NDST3: variants seen among roughly 807,000 people sequenced by gnomAD.
The protein encoded by NDST3 is N-deacetylase and N-sulfotransferase 3, also known as bifunctional heparan sulfate N-deacetylase/N-sulfotransferase 3.
NDST3 carries 58 observed loss-of-function variants against 96.1 expected under a neutral mutation model. The ratio of observed to expected loss-of-function variants is 0.60; its 90% CI spans 0.49 to 0.75. The LOEUF is 0.75. Among genes scored for constraint, NDST3 ranks in the 30% least tolerant of loss-of-function variants. NDST3 has a pLI of 0.00. For missense variants in NDST3, 788 were observed against 1,034.2 expected (o/e 0.76, Z 3.27); for synonymous variants, 333 against 359.7 (o/e 0.93, Z 0.84).
rs28682376 is a variant in NDST3, at chr4:118,174,736, C to A, written c.1539+31052C>A. 6.9e-3 allele frequency among the ~76,000 whole-genome samples: 1,047 copies of A among 152,190 alleles called. 13 individuals carry two copies. Among genetic ancestry groups the A allele is most frequent in the African/African-American group, 0.024 (983 of 41,544 alleles). On this transcript the variant is annotated intron_variant, in intron 6 of 13. Transcript: ENST00000296499. ...GGCACTGTTTCATTTTAATTTTTTACTTCTCCTTGACTCTTTGAGCCTAGA... is the reference window on the plus strand; with the variant it reads ...GGCACTGTTTCATTTTAATTTTTTAATTCTCCTTGACTCTTTGAGCCTAGA...
At chr4:118,061,079 C>T (rs1725857089) in intron 2 of NDST3, among the ~76,000 whole-genome samples, 1 of 152,160 alleles carries the variant, frequency 6.6e-6, no homozygotes. Context: ...TGACCCCCCT[C>T]TGCTCAAAAC....
At chr4:118,034,658 A>G (rs1724043654) in intron 1 of NDST3, 66 bp downstream of exon 1, 1 of 152,220 alleles carries the variant, frequency 6.6e-6, no homozygotes, top group African/African-American at 2.4e-5. Context: ...GGCTTTTAAG[A>G]GATAACAACT....
intron 6 of NDST3, among the ~76,000 whole-genome samples, chr4:118,155,768 A>C (rs1329280996): frequency 6.6e-6 from 1 of 152,210 alleles, no homozygotes; most frequent in Non-Finnish European, 1.5e-5. Flanking sequence ...GTGAGAACTT[A>C]CTGTAATTAC....
chr4:118,228,402 C>T (rs544447375), intron 8 of NDST3, among the ~76,000 whole-genome samples: 5 of 152,256 alleles, frequency 3.3e-5, no homozygotes, highest in African/African-American at 7.2e-5. Context: ...GATTCGCTTC[C>T]TCTCGTGTTG....
At chr4:118,102,734 A>G (rs2125847372) in intron 2 of NDST3, among the ~76,000 whole-genome samples, 1 of 152,244 alleles carries the variant, frequency 6.6e-6, no homozygotes, top group East Asian at 1.9e-4. Flanking sequence ...ATGAATGTAT[A>G]ATAATGTTCT....
chr4:118,215,039 A>G (rs1211600047), intron 6 of NDST3, among the ~76,000 whole-genome samples: 1 of 152,172 alleles, frequency 6.6e-6, no homozygotes, highest in African/African-American at 2.4e-5. Flanking sequence ...TTACAAGCAC[A>G]TAAAGAGCTC....
chr4:118,181,724 T>C (rs1228542843), intron 6 of NDST3, among the ~76,000 whole-genome samples: 2 of 152,132 alleles, frequency 1.3e-5, no homozygotes, highest in East Asian at 3.8e-4. Flanking sequence ...AAGCCAACAA[T>C]ATTGAACTAA....
intron 1 of NDST3, among the ~76,000 whole-genome samples, chr4:118,049,993 T>C (rs1724990196): frequency 6.6e-6 from 1 of 152,050 alleles, no homozygotes; most frequent in African/African-American, 2.4e-5. Context: ...AACCAAATAC[T>C]AGGAAAACAA....
At chr4:118,193,994 G>A in intron 6 of NDST3, 1 of 1,103,872 alleles carries the variant, frequency 9.1e-7, no homozygotes, top group Non-Finnish European at 1.4e-6. Context: ...CTTCTCTTCT[G>A]AATTCATCTC....
intron 2 of NDST3, among the ~76,000 whole-genome samples, chr4:118,076,754 TG>T (rs1357229640): frequency 6.6e-6 from 1 of 152,210 alleles, no homozygotes; most frequent in Non-Finnish European, 1.5e-5. Context: ...TGAATCTCAA[TG>T]ATCTTCATTC....
At chr4:118,224,296 C>T (rs1005359908) in intron 6 of NDST3, among the ~76,000 whole-genome samples, 195 bp from the exon 7 acceptor site, 3 of 151,978 alleles carry the variant, frequency 2.0e-5, no homozygotes, top group Admixed American at 2.0e-4. Context: ...ATGCTCAAGT[C>T]TTGCTGATAA....
At chr4:118,088,007 T>C (rs1728569594) in intron 2 of NDST3, among the ~76,000 whole-genome samples, 1 of 152,230 alleles carries the variant, frequency 6.6e-6, no homozygotes, top group Non-Finnish European at 1.5e-5. Flanking sequence ...CATTTTTTTC[T>C]TTCTTTGGTT....
intron 6 of NDST3, chr4:118,194,399 G>A: frequency 1.4e-6 from 1 of 734,530 alleles, no homozygotes; most frequent in Non-Finnish European, 2.6e-6. Flanking sequence ...GATCTTTGGA[G>A]GACTGCCTGC....
chr4:118,192,958 T>C (rs1049031610), intron 6 of NDST3, among the ~76,000 whole-genome samples: 5 of 152,040 alleles, frequency 3.3e-5, no homozygotes, highest in African/African-American at 1.2e-4. Context: ...TGGTGTTTCT[T>C]CCCATGTCCC....
intron 2 of NDST3, among the ~76,000 whole-genome samples, chr4:118,079,778 CAGG>C (rs1321914313): frequency 6.6e-6 from 1 of 152,114 alleles, no homozygotes; most frequent in Non-Finnish European, 1.5e-5. Flanking sequence ...AGAGTCCAGG[CAGG>C]TGGCTACTGA....
At chr4:118,130,841 A>G (rs934449927) in intron 4 of NDST3, among the ~76,000 whole-genome samples, 1 of 152,178 alleles carries the variant, frequency 6.6e-6, no homozygotes, top group Non-Finnish European at 1.5e-5. Flanking sequence ...CACCAGATAT[A>G]CTATTCTAGC....
chr4:118,134,616 A>G (rs1337834121), intron 4 of NDST3, among the ~76,000 whole-genome samples: 8 of 152,234 alleles, frequency 5.3e-5, no homozygotes, highest in Middle Eastern at 3.2e-3. Flanking sequence ...AAAACTATCT[A>G]TCTTTCAACA....
intron 6 of NDST3, among the ~76,000 whole-genome samples, chr4:118,200,578 A>G (rs1738009594): frequency 6.6e-6 from 1 of 152,190 alleles, no homozygotes; most frequent in Non-Finnish European, 1.5e-5. Flanking sequence ...CTTTTTATCC[A>G]GGATAGCTTT....
At chr4:118,195,143 T>A (rs993385896) in intron 6 of NDST3, among the ~76,000 whole-genome samples, 4 of 152,218 alleles carry the variant, frequency 2.6e-5, no homozygotes, top group African/African-American at 9.6e-5. Flanking sequence ...GAACATGGAA[T>A]GTATTTCTCT....
Sources: gnomAD v4.1 joint callset for allele counts (sites outside exome capture counted in the v4.1 genomes callset) on GRCh38, gnomAD v4.1.1 for gene constraint, MANE v1.5 for transcripts, NCBI Gene and HGNC (gene_info 2026-07-23, HGNC 2026-07-21) for gene names.